KCNQ1: variants seen among roughly 807,000 people sequenced by gnomAD.
KCNQ1 encodes potassium voltage-gated channel subfamily KQT member 1.
A neutral mutation model predicts 72.4 loss-of-function variants in KCNQ1; 49 were observed. The ratio of observed to expected loss-of-function variants is 0.68; its 90% CI spans 0.54 to 0.86. The LOEUF (loss-of-function observed/expected upper bound fraction) is 0.86. Ranked by LOEUF, KCNQ1 falls within the 40% of genes least tolerant of loss-of-function variation. The probability of loss-of-function intolerance (pLI) is 0.00; values close to 1 mark genes in which losing one functional copy is unlikely to be tolerated. For synonymous variants in KCNQ1, 450 were observed against 412.6 expected (o/e 1.09, Z -1.10); for missense variants, 790 against 945.1 (o/e 0.84, Z 2.15).
Position 2,774,566 on chromosome 11 carries a change from GC to G in KCNQ1, c.1591-1391del, listed in dbSNP as rs1446525478. Reference sequence around the variant, plus strand: ...AGCCTTTGGTAGGGAGGAGGTCTCTGCCCTGTCTTGGGATTCCTGGGGTCCA... The same window carrying G: ...AGCCTTTGGTAGGGAGGAGGTCTCTGCCTGTCTTGGGATTCCTGGGGTCCA... On this transcript the variant is annotated intron_variant, in intron 12 of 15. Transcript: ENST00000155840. Among the ~76,000 whole-genome samples the G allele has an allele frequency of 3.9e-5, 6 of 152,216 alleles. No homozygotes were observed. In the South Asian group the frequency reaches 6.2e-4, roughly 16 times the overall value.
At chr11:2,534,533 G>C (rs1400778551) in intron 2 of KCNQ1, among the ~76,000 whole-genome samples, 2 of 152,224 alleles carry the variant, frequency 1.3e-5, no homozygotes, top group Non-Finnish European at 2.9e-5. Context: ...TGCCTGGTGA[G>C]CTCCTATGGG....
chr11:2,571,446 C>T (rs1218159215), intron 4 of KCNQ1, 43 bp downstream of exon 4: 3 of 1,542,786 alleles, frequency 1.9e-6, no homozygotes, highest in Non-Finnish European at 2.7e-6. Context: ...CCGCCCCACC[C>T]CGAGCACCCC....
At position 2,669,774 on chromosome 11, in the gene KCNQ1, A is replaced by T; in HGVS notation, c.1514+7693A>T. On this transcript the variant is annotated intron_variant, in intron 11 of 15. Coordinates refer to ENST00000155840, the MANE Select transcript of KCNQ1 (RefSeq NM_000218.3). The surrounding 1 kb of genome is among the most constrained non-coding windows in gnomAD (Gnocchi z 5.6). ...ATAGAATGTCTCTTTGTGATGGGAG[A>T]TCCTGTGGGGACATTCCTTATTTGG... The T allele has an allele frequency of 2.5e-6, 1 of 398,490 alleles. No homozygotes were observed. The highest frequency in any genetic ancestry group is 6.2e-4 in the Middle Eastern group (1 of 1,610). 24.7% of individuals were successfully genotyped at this position (398,490 alleles called of 1,614,324 possible).
At chr11:2,561,952 A>G (rs1315168302) in intron 2 of KCNQ1, among the ~76,000 whole-genome samples, 2 of 152,176 alleles carry the variant, frequency 1.3e-5, no homozygotes, top group East Asian at 1.9e-4. Flanking sequence ...GCAGCCGAGC[A>G]GAAGGATGCA....
intron 2 of KCNQ1, among the ~76,000 whole-genome samples, chr11:2,542,324 G>A (rs1847840381): frequency 1.3e-5 from 2 of 152,272 alleles, no homozygotes; most frequent in African/African-American, 2.4e-5. Context: ...GGGGAAGGAA[G>A]TGCTAGGGGA....
rs1850000781 is a variant in KCNQ1, at chr11:2,663,153, TCCAGGCCCCC to T, written c.1514+1077_1514+1086del. On this transcript the variant is annotated intron_variant, in intron 11 of 15. Coordinates refer to ENST00000155840, the MANE Select transcript of KCNQ1 (RefSeq NM_000218.3). This position sits in a 1 kb window ranked among gnomAD's most constrained non-coding sequence, Gnocchi z 5.2. The stretch of plus-strand genomic sequence containing the variant: ...TCAGACAGGACCTGCCCACTGTCTT[TCCAGGCCCCC>T]CCAGTTCACAGAGAGGTTGGCAGTA... 3 of 398,730 alleles carry T rather than the reference TCCAGGCCCCC, an allele frequency of 7.5e-6. No individual in the cohort carries two copies. In the East Asian group the frequency reaches 1.1e-4, roughly 14 times the overall value. The allele number at this position is 398,730 out of a possible 1,614,324, so 24.7% of individuals were successfully genotyped here.
rs1018849547 is a variant in KCNQ1 at position 2,508,841 on chromosome 11, T to G, written c.387-19087T>G. On this transcript the variant is annotated intron_variant, in intron 1 of 15. Transcript: ENST00000155840. The surrounding 1 kb of genome is among the most constrained non-coding windows in gnomAD (Gnocchi z 6.2). ...GAGGAGGGCTAAGGAAAGTCACAGT[T>G]GAATGCATGCTCCCTCCACACCCAT... 1.3e-5 allele frequency among the ~76,000 whole-genome samples: 2 copies of G among 152,204 alleles called. No homozygotes were observed.
intron 15 of KCNQ1, among the ~76,000 whole-genome samples, chr11:2,845,854 CTCTCA>C (rs2134093460): frequency 6.6e-6 from 1 of 152,296 alleles, no homozygotes; most frequent in South Asian, 2.1e-4. Context: ...AGGCGCCCCC[CTCTCA>C]TCTCAGCCTC....
chr11:2,794,539 G>C lies in KCNQ1; in HGVS notation c.1794+16502G>C, dbSNP rs539408945. ...CGGCACAGGGGAGAAGCAGGCTCAT[G>C]TGACTCAGCCCTGAGCCCAGCCGGG... On this transcript the variant is annotated intron_variant, in intron 15 of 15. Transcript: ENST00000155840. Among the ~76,000 whole-genome samples, 235 of 152,316 alleles carry C rather than the reference G, an allele frequency of 1.5e-3. 1 individual carries two copies. Among genetic ancestry groups the C allele is most frequent in the Middle Eastern group, 3.4e-3 (1 of 294 alleles).
chr11:2,739,942 G>A (rs1313675638), intron 11 of KCNQ1, among the ~76,000 whole-genome samples: 1 of 152,244 alleles, frequency 6.6e-6, no homozygotes, highest in Non-Finnish European at 1.5e-5. Context: ...AGGCCTGGGT[G>A]TGCAGGTGGG....
chr11:2,730,742 C>T (rs1368777335), intron 11 of KCNQ1, among the ~76,000 whole-genome samples: 1 of 152,212 alleles, frequency 6.6e-6, no homozygotes, highest in Non-Finnish European at 1.5e-5. Context: ...GCAGGTGGTC[C>T]AAGAGGGGCT....
At chr11:2,666,944 A>G (rs1850082633) in intron 11 of KCNQ1, 1 of 398,634 alleles carries the variant, frequency 2.5e-6, no homozygotes, top group Non-Finnish European at 4.4e-6. Flanking sequence ...CTCTGTCTGC[A>G]CGAGATGCCA....
At chr11:2,778,081 G>C (rs758609635) in intron 15 of KCNQ1, 44 bp downstream of exon 15, 1 of 1,576,500 alleles carries the variant, frequency 6.3e-7, no homozygotes, top group Admixed American at 1.7e-5. Flanking sequence ...TTAGCGTCCT[G>C]GGGCCAGCAG....
intron 15 of KCNQ1, among the ~76,000 whole-genome samples, chr11:2,792,400 G>C (rs923828869): frequency 6.6e-6 from 1 of 152,178 alleles, no homozygotes; most frequent in African/African-American, 2.4e-5. Context: ...CCCAGCACAC[G>C]GTCCCTTTTA....
Position 2,651,009 on chromosome 11 carries a change from C to T in KCNQ1, c.1394-10952C>T, listed in dbSNP as rs1344192236. On this transcript the variant is annotated intron_variant, in intron 10 of 15. Coordinates refer to ENST00000155840, the MANE Select transcript of KCNQ1 (RefSeq NM_000218.3). The surrounding 1 kb of genome is among the most constrained non-coding windows in gnomAD (Gnocchi z 6.1). The stretch of plus-strand genomic sequence containing the variant: ...CTCTCTGGATTTGCCCACACCTAGT[C>T]TCTCCAGCTATCTCCCTGGTTAAAA... 7.5e-6 allele frequency: 3 copies of T among 398,596 alleles called. No homozygotes were observed. The highest frequency in any genetic ancestry group is 6.2e-5 in the African/African-American group (3 of 48,636). 24.7% of individuals were successfully genotyped at this position (398,596 alleles called of 1,614,324 possible). A position where few individuals can be genotyped will look rare whatever the true frequency, so the allele number is the denominator to read the frequency against.
At chr11:2,529,177 C>T (rs2133652627) in intron 2 of KCNQ1, among the ~76,000 whole-genome samples, 1 of 152,322 alleles carries the variant, frequency 6.6e-6, no homozygotes, top group Admixed American at 6.5e-5. Context: ...CGTCCAGAGG[C>T]AGTAGGAAGG....
At position 2,777,790 on chromosome 11, in the gene KCNQ1, T is replaced by G. The variant is rs1846736844; in HGVS notation, c.1733-186T>G. 3 of 642,272 alleles carry G rather than the reference T, an allele frequency of 4.7e-6. No homozygotes were observed. The Admixed American group carries it at 6.9e-5, about 15-fold the overall frequency. 39.8% of individuals were successfully genotyped at this position (642,272 alleles called of 1,614,324 possible). On this transcript the variant is annotated intron_variant, in intron 14 of 15. Coordinates refer to ENST00000155840, the MANE Select transcript of KCNQ1 (RefSeq NM_000218.3). Reference sequence around the variant, plus strand: ...GAGCCCAGGTCCCCAGCTGCAGCCATGCCCGGCCACCGTACCACCCCTGGT... The same window carrying G: ...GAGCCCAGGTCCCCAGCTGCAGCCAGGCCCGGCCACCGTACCACCCCTGGT...
In KCNQ1 at chr11:2,484,213, G is replaced by A. The variant is rs575018845; in HGVS notation, c.386+38729G>A. On this transcript the variant is annotated intron_variant, in intron 1 of 15. Transcript: ENST00000155840. This position sits in a 1 kb window ranked among gnomAD's most constrained non-coding sequence, Gnocchi z 5.2. Reference sequence around the variant, plus strand: ...CGGAGTTTTACTCTTGCACAGGCTGGAGTGCAGTGGCATGATCTCGGCTCA... The same window carrying A: ...CGGAGTTTTACTCTTGCACAGGCTGAAGTGCAGTGGCATGATCTCGGCTCA... Among the ~76,000 whole-genome samples, 3 of 152,268 alleles carry A rather than the reference G, an allele frequency of 2.0e-5. No individual in the cohort carries two copies. In the South Asian group the frequency reaches 6.2e-4, roughly 32 times the overall value.
chr11:2,716,256 G>A (rs1851090925), intron 11 of KCNQ1, among the ~76,000 whole-genome samples: 1 of 152,110 alleles, frequency 6.6e-6, no homozygotes, highest in East Asian at 1.9e-4. Context: ...ACTAGGGAAA[G>A]AAGTCAGAAA....
Sources: allele counts gnomAD v4.1 joint callset (sites outside exome capture counted in the v4.1 genomes callset), GRCh38; gene constraint gnomAD v4.1.1; non-coding constraint Gnocchi (gnomAD v3.1); transcripts MANE v1.5; gene names NCBI Gene and HGNC (gene_info 2026-07-23, HGNC 2026-07-21).